The following CCT2 variants were observed in gnomAD, a reference collection of about 807,000 sequenced individuals.
The protein encoded by CCT2 is T-complex protein 1 subunit beta.
A neutral mutation model predicts 61.8 loss-of-function variants in CCT2; 18 were observed. That is an observed-to-expected ratio of 0.29 (90% confidence interval 0.20 to 0.43). The LOEUF is 0.43. Among genes scored for constraint, CCT2 ranks in the 20% least tolerant of loss-of-function variants. The pLI is 1.00. For synonymous variants in CCT2, 248 were observed against 215.9 expected (o/e 1.15, Z -1.30); for missense variants, 556 against 656.9 (o/e 0.85, Z 1.68).
At chr12:69,594,742 G>A (rs1335616895) in intron 10 of CCT2, among the ~76,000 whole-genome samples, 7 of 151,958 alleles carry the variant, frequency 4.6e-5, no homozygotes, top group African/African-American at 1.7e-4. Context: ...AGCTACTTGG[G>A]AGGTTGAGGC....
At chr12:69,599,727 A>T in intron 14 of CCT2, 136 bp from the exon 15 acceptor site, 3 of 587,502 alleles carry the variant, frequency 5.1e-6, no homozygotes, top group South Asian at 2.9e-5. Context: ...GCTCATTTGT[A>T]GGCTTATCTA....
intron 3 of CCT2, chr12:69,587,232 TTTAA>T (rs1881693091): frequency 2.7e-6 from 1 of 372,794 alleles, no homozygotes. Flanking sequence ...TATTTTATAA[TTTAA>T]TTATGGCTGT....
intron 3 of CCT2, chr12:69,587,284 G>A: frequency 2.2e-6 from 1 of 444,728 alleles, no homozygotes; most frequent in South Asian, 5.7e-5. Flanking sequence ...CAGTTACGGT[G>A]TTGAAACAAA....
intron 7 of CCT2, 118 bp downstream of exon 7, chr12:69,589,805 C>A: frequency 1.3e-6 from 1 of 778,406 alleles, no homozygotes; most frequent in African/African-American, 1.7e-5. Context: ...AATTTAAGGA[C>A]ATATCATATG....
At position 69,587,524 on chromosome 12, in the gene CCT2, G is replaced by T; in HGVS notation, c.164G>T (p.Ser55Ile). Residue 55 changes from serine to isoleucine, a missense_variant, in exon 4 of 16, where the codon AGT becomes ATT. This residue lies in a region of CCT2 where 308 missense variants were observed against 350.6 expected (regional missense o/e 0.88). Coordinates refer to ENST00000299300, the MANE Select transcript of CCT2 (RefSeq NM_006431.3). ...PKGMDKILLS[S>I]GRDASLMVTN... ...CTTTAGGACAAAATTCTTCTAAGCAGTGGACGAGATGCCTCTCTTATGGTA... is the reference window on the plus strand; with the variant it reads ...CTTTAGGACAAAATTCTTCTAAGCATTGGACGAGATGCCTCTCTTATGGTA... 2 of 1,611,480 alleles carry T rather than the reference G, an allele frequency of 1.2e-6. No homozygotes were observed. The highest frequency in any genetic ancestry group is 1.7e-6 in the Non-Finnish European group (2 of 1,177,632).
rs374224420 is a variant in CCT2, at chr12:69,597,184, C to T, written c.1011C>T (p.His337=). The stretch of plus-strand genomic sequence containing the variant: ...GTGAAATTGCCTCTACCTTTGATCA[C>T]CCAGAACTGGTGAAGCTTGGAAGTT... The part of the protein sequence containing the change: ...TGGEIASTFD[H]PELVKLGSCK... Residue 337 remains histidine, a synonymous_variant, in exon 11 of 16, where the codon CAC becomes CAT. Transcript: ENST00000299300. The T allele has an allele frequency of 3.1e-6, 5 of 1,613,682 alleles. No individual in the cohort carries two copies. In the African/African-American group the frequency reaches 6.7e-5, roughly 22 times the overall value.
rs772752640 is a variant in CCT2, at chr12:69,601,470, A to G, written c.*145A>G. On this transcript the variant is annotated 3_prime_UTR_variant, in exon 16 of 16. Coordinates refer to ENST00000299300, the MANE Select transcript of CCT2 (RefSeq NM_006431.3). ...ATATTTAGCTGACCTTCGCTTTAAC[A>G]TAGGTCTAATTTATTTGCCGTGTCA... is the stretch of plus-strand genomic sequence containing the variant. 3.4e-5 allele frequency: 52 copies of G among 1,538,608 alleles called. No homozygotes were observed. Among genetic ancestry groups the G allele is most frequent in the Non-Finnish European group, 4.3e-5 (49 of 1,143,480 alleles).
intron 1 of CCT2, chr12:69,585,750 G>T: frequency 6.9e-7 from 1 of 1,442,112 alleles, no homozygotes; most frequent in African/African-American, 1.4e-5. Context: ...CTTGTGCCTA[G>T]GTCTTTGCAT....
At chr12:69,597,027 A>T in intron 10 of CCT2, 129 bp from the exon 11 acceptor site, 1 of 717,072 alleles carries the variant, frequency 1.4e-6, no homozygotes. Flanking sequence ...GAGTGCCAGG[A>T]ATATAATCAG....
chr12:69,588,064 C>G, intron 5 of CCT2, 58 bp downstream of exon 5: 1 of 1,526,608 alleles, frequency 6.6e-7, no homozygotes, highest in Non-Finnish European at 9.1e-7. Flanking sequence ...CAGAGGTAAT[C>G]TAGTCCTTAC....
chr12:69,589,763 A>AC (rs1323300093), intron 7 of CCT2, 76 bp downstream of exon 7: 5 of 1,162,174 alleles, frequency 4.3e-6, no homozygotes, highest in Admixed American at 1.9e-5. Context: ...CTGTTTTGAG[A>AC]CCAGTGACCC....
chr12:69,601,542 G>T lies in CCT2; in HGVS notation c.*217G>T. 1 of 1,353,374 alleles carries T rather than the reference G, an allele frequency of 7.4e-7. No homozygotes were observed. The allele number at this position is 1,353,374 out of a possible 1,614,324, so 83.8% of individuals were successfully genotyped here. A position where few individuals can be genotyped will look rare whatever the true frequency, so the allele number is the denominator to read the frequency against. On this transcript the variant is annotated 3_prime_UTR_variant, in exon 16 of 16. Coordinates refer to ENST00000299300, the MANE Select transcript of CCT2 (RefSeq NM_006431.3). The stretch of plus-strand genomic sequence containing the variant: ...TTTAAAAAAGTTCATTTCTCATACT[G>T]TGCATTAAAATAAAAATTTGAACAA...
chr12:69,589,421 ATATC>A (rs1881768203), intron 6 of CCT2, 60 bp from the exon 7 acceptor site: 9 of 1,107,428 alleles, frequency 8.1e-6, no homozygotes, highest in African/African-American at 3.1e-5. Context: ...ATTGACATGA[ATATC>A]TAGATAAATT....
chr12:69,589,460 T>G, intron 6 of CCT2, 25 bp from the exon 7 acceptor site: 1 of 1,565,114 alleles, frequency 6.4e-7, no homozygotes, highest in Non-Finnish European at 8.8e-7. Context: ...AGGGTTAATA[T>G]GTATATTTGG....
chr12:69,586,284 T>C lies in CCT2; in HGVS notation c.18T>C (p.Leu6=), dbSNP rs1320497230. The part of the protein sequence containing the change: MASLS[L]APVNIFKAGA... ...TTCCTTTTCAGGCGTCCCTTTCCCT[T>C]GCACCTGTTAACATCTTTAAGGCAG... The change falls in exon 2 of 16, where the codon CTT becomes CTC. Residue 6 remains leucine (L), a synonymous_variant. Coordinates refer to ENST00000299300, the MANE Select transcript of CCT2 (RefSeq NM_006431.3). The C allele has an allele frequency of 6.2e-7, 1 of 1,613,462 alleles. No individual in the cohort carries two copies. The highest frequency in any genetic ancestry group is 1.7e-5 in the Admixed American group (1 of 60,028).
At chr12:69,585,894 C>T (rs972402130) in intron 1 of CCT2, 16 of 1,278,410 alleles carry the variant, frequency 1.3e-5, no homozygotes, top group East Asian at 3.6e-5. Flanking sequence ...GGGCCGCAGC[C>T]TTCCGAGGGT....
At chr12:69,593,374 T>C in intron 9 of CCT2, 136 bp from the exon 10 acceptor site, 1 of 642,460 alleles carries the variant, frequency 1.6e-6, no homozygotes. Flanking sequence ...ACTCTAATTA[T>C]ATAGGTAAGA....
chr12:69,597,904 C>A, intron 12 of CCT2, 64 bp from the exon 13 acceptor site: 1 of 1,451,546 alleles, frequency 6.9e-7, no homozygotes, highest in South Asian at 1.2e-5. Flanking sequence ...ATCTTAAAGT[C>A]AGTAATTCAG....
chr12:69,592,945 T>C (rs769245145), intron 8 of CCT2, 31 bp from the exon 9 acceptor site: 20 of 1,601,268 alleles, frequency 1.2e-5, no homozygotes, highest in South Asian at 2.2e-5. Context: ...ATAATGAAAC[T>C]GATGCTCTCT....
Sources: gnomAD v4.1 joint callset for allele counts (sites outside exome capture counted in the v4.1 genomes callset) on GRCh38, gnomAD v4.1.1 for gene constraint, gnomAD v4.1.1 regional missense constraint, MANE v1.5 for transcripts, NCBI Gene and HGNC (gene_info 2026-07-23, HGNC 2026-07-21) for gene names.